Variants in VAV1 observed in about 807,000 individuals in gnomAD.
VAV1 encodes the protein proto-oncogene vav.
VAV1 carries 33 observed loss-of-function variants against 128.1 expected under a neutral mutation model. The observed-to-expected ratio is 0.26, with a 90% CI of 0.20 to 0.34. VAV1 has a LOEUF of 0.34. VAV1 is among the 10% of genes least tolerant of loss of function. The pLI is 1.00. For synonymous variants in VAV1, 394 were observed against 409.8 expected, an observed-to-expected ratio of 0.96 and a Z score of 0.47; for missense variants, 715 against 1,093.7, an observed-to-expected ratio of 0.65 and a Z score of 4.88.
At chr19:6,844,214 G>T (rs1972460602) in intron 22 of VAV1, among the ~76,000 whole-genome samples, 1 of 151,192 alleles carries the variant, frequency 6.6e-6, no homozygotes, top group Non-Finnish European at 1.5e-5. Flanking sequence ...ATCATCTCTG[G>T]CTAGTAATAA....
At chr19:6,781,756 C>T (rs1370668613) in intron 1 of VAV1, among the ~76,000 whole-genome samples, 3 of 151,988 alleles carry the variant, frequency 2.0e-5, no homozygotes, top group Admixed American at 6.6e-5. Flanking sequence ...TACAGGTGTG[C>T]GCCAAGATGC....
At chr19:6,839,047 C>T (rs1226677751) in intron 21 of VAV1, among the ~76,000 whole-genome samples, 3 of 152,010 alleles carry the variant, frequency 2.0e-5, no homozygotes, top group Non-Finnish European at 4.4e-5. Context: ...GGATTACAGG[C>T]GCCTGCCACC....
intron 1 of VAV1, among the ~76,000 whole-genome samples, chr19:6,791,231 T>G (rs997294530): frequency 3.9e-5 from 6 of 152,088 alleles, no homozygotes; most frequent in Non-Finnish European, 8.8e-5. Context: ...TTGAGGTCCT[T>G]GAGATATCTC....
intron 1 of VAV1, among the ~76,000 whole-genome samples, chr19:6,814,685 T>TTTCC: frequency 8.6e-6 from 1 of 116,914 alleles, no homozygotes; most frequent in African/African-American, 4.0e-5. Flanking sequence ...TCTTTCTTTC[T>TTTCC]TTCTTTCTTT....
intron 1 of VAV1, among the ~76,000 whole-genome samples, chr19:6,784,666 G>A (rs1010638964): frequency 2.6e-5 from 4 of 151,976 alleles, no homozygotes; most frequent in Non-Finnish European, 5.9e-5. Flanking sequence ...GCTGATTTTT[G>A]TATTTTTAGT....
At chr19:6,776,077 TATCCATCCATCCATCCATCC>T (rs56806852) in intron 1 of VAV1, among the ~76,000 whole-genome samples, 2,339 of 129,244 alleles carry the variant, frequency 0.018, 64 homozygotes, top group African/African-American at 0.067. Flanking sequence ...TCCATCCATT[TATCCATCCATCCATCCATCC>T]ATCCATCCAT....
chr19:6,785,807 G>T (rs988195336), intron 1 of VAV1, among the ~76,000 whole-genome samples: 1 of 151,410 alleles, frequency 6.6e-6, no homozygotes, highest in Non-Finnish European at 1.5e-5. Flanking sequence ...TTATAGGGAC[G>T]CACCACCACA....
In VAV1 at chr19:6,833,961, G is replaced by C; in HGVS notation, c.1777+8G>C. 6.2e-7 allele frequency: 1 copy of C among 1,614,052 alleles called. No individual in the cohort carries two copies. Among genetic ancestry groups the C allele is most frequent in the Non-Finnish European group, 8.5e-7 (1 of 1,180,010 alleles). ...AAAAGAGGAATGAGCTGGGTGAGTTGGCAGGGGTTGCTGTGTGGGGGCAGG... is the reference window on the plus strand; with the variant it reads ...AAAAGAGGAATGAGCTGGGTGAGTTCGCAGGGGTTGCTGTGTGGGGGCAGG... On this transcript the variant is annotated splice_region_variant and intron_variant, in intron 19 of 26. Coordinates refer to ENST00000602142, the MANE Select transcript of VAV1 (RefSeq NM_005428.4).
At chr19:6,775,726 A>G (rs1970605451) in intron 1 of VAV1, among the ~76,000 whole-genome samples, 1 of 152,120 alleles carries the variant, frequency 6.6e-6, no homozygotes, top group East Asian at 1.9e-4. Flanking sequence ...AGGTCTTGAC[A>G]AGAAGCCAGA....
At chr19:6,792,092 C>T (rs1429741433) in intron 1 of VAV1, among the ~76,000 whole-genome samples, 1 of 152,078 alleles carries the variant, frequency 6.6e-6, no homozygotes, top group Non-Finnish European at 1.5e-5. Context: ...TGGCTCATGC[C>T]TGCAATCCCA....
chr19:6,781,372 T>C (rs1970763136), intron 1 of VAV1, among the ~76,000 whole-genome samples: 1 of 152,216 alleles, frequency 6.6e-6, no homozygotes, highest in Admixed American at 6.6e-5. Context: ...CTGGCTTCTC[T>C]GCCGCCTCCC....
intron 1 of VAV1, among the ~76,000 whole-genome samples, chr19:6,799,234 C>T (rs1458151478): frequency 1.3e-5 from 2 of 152,102 alleles, no homozygotes; most frequent in Non-Finnish European, 2.9e-5. Context: ...GTGGCGCAAT[C>T]TCGGCTCACT....
At chr19:6,815,388 T>G (rs1971623577) in intron 1 of VAV1, among the ~76,000 whole-genome samples, 1 of 152,110 alleles carries the variant, frequency 6.6e-6, no homozygotes, top group East Asian at 1.9e-4. Flanking sequence ...AGTGATCCTC[T>G]CGCCTTGGTT....
At chr19:6,819,522 T>C (rs164019) in intron 1 of VAV1, among the ~76,000 whole-genome samples, 39,838 of 152,208 alleles carry the variant, frequency 0.26, 5,737 homozygotes, top group African/African-American at 0.38. Flanking sequence ...TCATCCATGT[T>C]GTAGTGTGGA....
intron 26 of VAV1, among the ~76,000 whole-genome samples, chr19:6,855,723 T>TCATC (rs1037325095): frequency 2.0e-5 from 3 of 151,722 alleles, no homozygotes; most frequent in Non-Finnish European, 4.4e-5. Context: ...GTCCATTAAT[T>TCATC]CATCCATCCA....
At chr19:6,776,938 G>A (rs113191038) in intron 1 of VAV1, among the ~76,000 whole-genome samples, 1,913 of 152,074 alleles carry the variant, frequency 0.013, 56 homozygotes, top group South Asian at 0.051. Flanking sequence ...TATATTTTTA[G>A]TAGAGATGGG....
Position 6,848,103 on chromosome 19 carries a change from C to A in VAV1, c.2118C>A (p.Ala706=). ...RQRVKDAAEF[A]ISIKYNVEVK... Reference sequence around the variant, plus strand: ...GGGTGAAGGATGCAGCAGAATTTGCCATCAGCATTAAGTAACTCCTTTCTC... The same window carrying A: ...GGGTGAAGGATGCAGCAGAATTTGCAATCAGCATTAAGTAACTCCTTTCTC... Residue 706 remains alanine (A), a synonymous_variant, in exon 23 of 27, where the codon GCC becomes GCA. Transcript: ENST00000602142. 1 of 1,552,590 alleles carries A rather than the reference C, an allele frequency of 6.4e-7. No homozygotes were observed. The highest frequency in any genetic ancestry group is 1.2e-5 in the South Asian group (1 of 82,386).
At chr19:6,798,808 G>A (rs12983250) in intron 1 of VAV1, among the ~76,000 whole-genome samples, 1 of 152,050 alleles carries the variant, frequency 6.6e-6, no homozygotes, top group Non-Finnish European at 1.5e-5. Context: ...ACTGAACCTG[G>A]CCTGATTTGA....
chr19:6,791,902 T>C (rs1971026540), intron 1 of VAV1, among the ~76,000 whole-genome samples: 1 of 151,812 alleles, frequency 6.6e-6, no homozygotes, highest in South Asian at 2.1e-4. Flanking sequence ...AGAATCAGAA[T>C]GAAGGAGCTT....
Sources: allele counts gnomAD v4.1 joint callset (sites outside exome capture counted in the v4.1 genomes callset), GRCh38; gene constraint gnomAD v4.1.1; transcripts MANE v1.5; gene names NCBI Gene and HGNC (gene_info 2026-07-23, HGNC 2026-07-21).